Variants in CSMD1 observed in about 807,000 individuals in gnomAD.
CSMD1 encodes CUB and Sushi multiple domains 1.
In CSMD1, 213 loss-of-function variants were observed where a neutral mutation model predicts 417.5. That is an observed-to-expected ratio of 0.51 (90% CI 0.46 to 0.57). The LOEUF is 0.57. CSMD1 is among the 20% of genes least tolerant of loss of function. The pLI is 0.00. For synonymous variants in CSMD1, 2,862 were observed against 1,736.8 expected, an observed-to-expected ratio of 1.65 and a Z score of -16.11; for missense variants, 6,923 against 4,529.7, an observed-to-expected ratio of 1.53 and a Z score of -15.17.
chr8:4,081,241 A>T (rs60739088), intron 3 of CSMD1, among the ~76,000 whole-genome samples: 18,328 of 152,218 alleles, frequency 0.12, 1,210 homozygotes, highest in Middle Eastern at 0.18. Flanking sequence ...GTCTCAGACA[A>T]GCATTGTGGT....
At chr8:3,272,289 T>C (rs575526127) in intron 26 of CSMD1, among the ~76,000 whole-genome samples, 1 of 145,280 alleles carries the variant, frequency 6.9e-6, no homozygotes, top group African/African-American at 2.5e-5. Context: ...CATTGATCTA[T>C]ATCTCTGTTT....
At chr8:2,946,646 A>T (rs1189242862) in intron 68 of CSMD1, among the ~76,000 whole-genome samples, 2 of 152,200 alleles carry the variant, frequency 1.3e-5, no homozygotes, top group Non-Finnish European at 2.9e-5. Flanking sequence ...ATCCATTGAT[A>T]GACATTTTGG....
At chr8:3,926,751 C>G (rs1809759392) in intron 5 of CSMD1, among the ~76,000 whole-genome samples, 1 of 123,622 alleles carries the variant, frequency 8.1e-6, no homozygotes, top group Non-Finnish European at 1.6e-5. Flanking sequence ...GAGTCCCGCT[C>G]TGTAGCCAGG....
chr8:3,232,905 C>T (rs1798924568), intron 26 of CSMD1, among the ~76,000 whole-genome samples: 1 of 151,586 alleles, frequency 6.6e-6, no homozygotes, highest in African/African-American at 2.4e-5. Context: ...TTATTCTCTT[C>T]CTAATTACAT....
intron 10 of CSMD1, among the ~76,000 whole-genome samples, chr8:3,545,106 G>A (rs958672374): frequency 6.6e-6 from 1 of 152,110 alleles, no homozygotes; most frequent in Non-Finnish European, 1.5e-5. Context: ...ACCTAGGACA[G>A]GTATCAAAGC....
intron 3 of CSMD1, among the ~76,000 whole-genome samples, chr8:4,419,474 C>A (rs1265735636): frequency 2.0e-5 from 3 of 152,134 alleles, no homozygotes; most frequent in Admixed American, 1.3e-4. Flanking sequence ...AAATAAGTCT[C>A]TATGCCTTGC....
chr8:3,036,816 G>A (rs925783881), intron 50 of CSMD1, among the ~76,000 whole-genome samples: 1 of 151,522 alleles, frequency 6.6e-6, no homozygotes, highest in Non-Finnish European at 1.5e-5. Flanking sequence ...TTTTCTTTTT[G>A]GCTTTTAGAA....
chr8:4,134,466 T>C, intron 3 of CSMD1, among the ~76,000 whole-genome samples: 1 of 152,132 alleles, frequency 6.6e-6, no homozygotes, highest in Admixed American at 6.5e-5. Flanking sequence ...CCTGAGGAGA[T>C]ACCAAACCTG....
At chr8:4,628,409 C>CATATATATACACATATATATACACAT (rs1802254465) in intron 2 of CSMD1, among the ~76,000 whole-genome samples, 1 of 140,630 alleles carries the variant, frequency 7.1e-6, no homozygotes, top group Non-Finnish European at 1.5e-5. Context: ...TATATATACA[C>CATATATATACACATATATATACACAT]ATATATATAC....
intron 1 of CSMD1, among the ~76,000 whole-genome samples, chr8:4,743,771 A>G (rs922516223): frequency 1.1e-4 from 17 of 152,250 alleles, no homozygotes; most frequent in African/African-American, 3.9e-4. Flanking sequence ...AGTTTTGCCT[A>G]TTACACTTGA....
At chr8:3,884,944 T>TATATATTCATATATATATATAC (rs1247548041) in intron 5 of CSMD1, among the ~76,000 whole-genome samples, 5 of 148,702 alleles carry the variant, frequency 3.4e-5, no homozygotes, top group African/African-American at 1.2e-4. Flanking sequence ...TATATATATA[T>TATATATTCATATATATATATAC]ACACACACAC....
At chr8:4,217,602 C>T (rs1440679669) in intron 3 of CSMD1, among the ~76,000 whole-genome samples, 1 of 150,332 alleles carries the variant, frequency 6.7e-6, no homozygotes, top group Non-Finnish European at 1.5e-5. Context: ...ATTTGGTGAA[C>T]AGGCAAGTTA....
rs973135925 is a variant in CSMD1 at position 4,070,453 on chromosome 8, G to T, written c.416-38354C>A. Among the ~76,000 whole-genome samples the T allele has an allele frequency of 1.2e-4, 18 of 152,220 alleles. No homozygotes were observed. In the South Asian group the frequency reaches 2.7e-3, roughly 23 times the overall value. On this transcript the variant is annotated intron_variant, in intron 3 of 69. Transcript: ENST00000635120. Reference sequence around the variant, plus strand: ...GCTCACTGCAAGCTCCGCCTCCCGGGTTCACACCATTCTCCCACCTCAGCC... The same window carrying T: ...GCTCACTGCAAGCTCCGCCTCCCGGTTTCACACCATTCTCCCACCTCAGCC...
intron 2 of CSMD1, among the ~76,000 whole-genome samples, chr8:4,420,362 G>C (rs1048354580): frequency 9.2e-5 from 14 of 151,614 alleles, no homozygotes; most frequent in African/African-American, 3.4e-4. Flanking sequence ...ATTATCTACT[G>C]CCAACTTTTT....
rs572585660 is a variant in CSMD1 at position 3,522,457 on chromosome 8, C to A, written c.1345-28731G>T. ...TCGATTTCTCCAGGCAAAGAGACAG[C>A]TGCATTTACTTTTAGATGGCATAAC... On this transcript the variant is annotated intron_variant, in intron 10 of 69. Coordinates refer to ENST00000635120, the MANE Select transcript of CSMD1 (RefSeq NM_033225.6). 5.1e-4 allele frequency among the ~76,000 whole-genome samples: 77 copies of A among 152,234 alleles called. 3 individuals are homozygous for A. The South Asian group carries it at 0.014, about 27-fold the overall frequency.
intron 2 of CSMD1, among the ~76,000 whole-genome samples, chr8:4,474,714 C>T (rs1004886751): frequency 7.2e-5 from 11 of 152,274 alleles, no homozygotes; most frequent in Non-Finnish European, 1.3e-4. Flanking sequence ...CCCACGTGGA[C>T]TTTCTTCTCC....
intron 1 of CSMD1, among the ~76,000 whole-genome samples, chr8:4,765,121 G>A (rs62484604): frequency 3.3e-5 from 5 of 151,918 alleles, no homozygotes; most frequent in Non-Finnish European, 5.9e-5. Flanking sequence ...CAAATCTTGG[G>A]TCTCCCTCTG....
chr8:3,009,821 C>T (rs1474842093), intron 52 of CSMD1, among the ~76,000 whole-genome samples: 4 of 152,114 alleles, frequency 2.6e-5, no homozygotes, highest in South Asian at 2.1e-4. Flanking sequence ...AACACGGGCC[C>T]GAGTCCTCTG....
intron 10 of CSMD1, among the ~76,000 whole-genome samples, chr8:3,537,117 C>T (rs781452629): frequency 6.6e-6 from 1 of 152,106 alleles, no homozygotes; most frequent in Non-Finnish European, 1.5e-5. Flanking sequence ...AATTCCCCTG[C>T]CTCAGCCTCC....
Sources: allele counts gnomAD v4.1 joint callset (sites outside exome capture counted in the v4.1 genomes callset), GRCh38; gene constraint gnomAD v4.1.1; transcripts MANE v1.5; gene names NCBI Gene and HGNC (gene_info 2026-07-23, HGNC 2026-07-21).